SCGB2B2: variants seen among roughly 807,000 people sequenced by gnomAD.
The protein encoded by SCGB2B2 is secretoglobin family 2B member 2.
Under a neutral mutation model 7.6 loss-of-function variants are expected in SCGB2B2, and 11 were observed. The observed-to-expected ratio is 1.45, with a 90% CI of 0.91 to 2.40. The LOEUF (loss-of-function observed/expected upper bound fraction) is 2.40. Ranked by LOEUF, SCGB2B2 falls within the 30% of genes most tolerant of loss-of-function variation. The probability of loss-of-function intolerance (pLI) is 0.00; values close to 1 mark genes in which losing one functional copy is unlikely to be tolerated. For missense variants in SCGB2B2, 104 were observed against 115.4 expected, an observed-to-expected ratio of 0.90 and a Z score of 0.45; for synonymous variants, 50 against 48.6, an observed-to-expected ratio of 1.03 and a Z score of -0.12.
At chr19:34,669,746 A>T (rs2067750840) in intron 1 of SCGB2B2, among the ~76,000 whole-genome samples, 2 of 26,994 alleles carry the variant, frequency 7.4e-5, no homozygotes, top group South Asian at 2.7e-3. Context: ...GGTGTGTCTC[A>T]TTTCCACCTG....
At chr19:34,649,303 A>T (rs904577289) in intron 1 of SCGB2B2, among the ~76,000 whole-genome samples, 4 of 151,988 alleles carry the variant, frequency 2.6e-5, no homozygotes, top group Admixed American at 2.6e-4. Context: ...AGGGAAGGAA[A>T]AAAGAGAGAA....
chr19:34,642,947 G>A (rs1034939296), intron 1 of SCGB2B2, among the ~76,000 whole-genome samples: 2 of 152,110 alleles, frequency 1.3e-5, no homozygotes, highest in African/African-American at 4.8e-5. Context: ...TGAACTCTTA[G>A]ATACTATTGG....
At chr19:34,587,001 A>G (rs1477684951), downstream of SCGB2B2, among the ~76,000 whole-genome samples, 1 of 152,090 alleles carries the variant, frequency 6.6e-6, no homozygotes. Flanking sequence ...TCTGCCTCCC[A>G]GGTTCAAGCG....
chr19:34,609,992 C>G (rs1451902026), intron 1 of SCGB2B2, among the ~76,000 whole-genome samples: 1 of 152,114 alleles, frequency 6.6e-6, no homozygotes, highest in Non-Finnish European at 1.5e-5. Flanking sequence ...TCTTCACTTT[C>G]TGTCATCAAT....
chr19:34,604,813 T>C (rs1456253084), intron 1 of SCGB2B2, among the ~76,000 whole-genome samples: 1 of 152,208 alleles, frequency 6.6e-6, no homozygotes, highest in African/African-American at 2.4e-5. Flanking sequence ...ATTAAGTTGT[T>C]CCTAATTGTA....
intron 1 of SCGB2B2, among the ~76,000 whole-genome samples, chr19:34,669,100 G>A (rs910471003): frequency 8.5e-5 from 13 of 152,196 alleles, no homozygotes; most frequent in African/African-American, 2.6e-4. Context: ...TGAAGCCAGC[G>A]AGACCACGAA....
chr19:34,641,510 T>A (rs936890925), intron 1 of SCGB2B2, among the ~76,000 whole-genome samples: 7 of 152,362 alleles, frequency 4.6e-5, no homozygotes, highest in African/African-American at 1.7e-4. Context: ...GGCCTGAGGC[T>A]GTCTCCATAT....
rs2065302325 is a variant in SCGB2B2, at chr19:34,591,728, CCT to C, written c.*1825_*1826del. Among the ~76,000 whole-genome samples the C allele has an allele frequency of 6.6e-6, 1 of 152,248 alleles. No individual in the cohort carries two copies. Among genetic ancestry groups the C allele is most frequent in the Non-Finnish European group, 1.5e-5 (1 of 68,048 alleles). ...ATCATGCCGCATTCCCTGCCCCAGA[CCT>C]TCACCTGGTGGCTGCCTCAGGTTCT... On this transcript the variant is annotated 3_prime_UTR_variant, in exon 4 of 4. Coordinates refer to ENST00000601241, the MANE Select transcript of SCGB2B2 (RefSeq NM_001025591.4).
intron 1 of SCGB2B2, chr19:34,645,682 C>A: frequency 4.8e-6 from 2 of 420,754 alleles, no homozygotes; most frequent in South Asian, 2.0e-5. Flanking sequence ...CACCCACCGC[C>A]TGTGCTCTTC....
intron 1 of SCGB2B2, chr19:34,646,018 G>C: frequency 3.2e-6 from 1 of 314,412 alleles, no homozygotes; most frequent in Non-Finnish European, 6.3e-6. Context: ...TTCTAGCAAT[G>C]CTTTGCCTCT....
chr19:34,663,373 G>A (rs1243408009), intron 1 of SCGB2B2, among the ~76,000 whole-genome samples: 1 of 152,192 alleles, frequency 6.6e-6, no homozygotes, highest in Admixed American at 6.5e-5. Flanking sequence ...GTACACAATG[G>A]CAGATTTTTT....
At chr19:34,589,731 A>G (rs892846891), downstream of SCGB2B2, among the ~76,000 whole-genome samples, 3 of 152,006 alleles carry the variant, frequency 2.0e-5, no homozygotes, top group Non-Finnish European at 4.4e-5. Flanking sequence ...ATCCCAGGGC[A>G]GTGTGGATGA....
chr19:34,613,151 T>G (rs1270266), intron 1 of SCGB2B2, among the ~76,000 whole-genome samples: 74,838 of 150,812 alleles, frequency 0.5, 19,391 homozygotes, highest in African/African-American at 0.63. Flanking sequence ...CAGGGTGGAG[T>G]GCAGCGGTGC....
At chr19:34,635,522 C>T (rs1405128153) in intron 1 of SCGB2B2, 3 of 289,146 alleles carry the variant, frequency 1.0e-5, no homozygotes, top group African/African-American at 2.2e-5. Context: ...ACCCGTAAGG[C>T]TTTAAACCCA....
At chr19:34,636,537 A>G (rs1293470450) in intron 1 of SCGB2B2, among the ~76,000 whole-genome samples, 3 of 152,178 alleles carry the variant, frequency 2.0e-5, no homozygotes, top group African/African-American at 4.8e-5. Context: ...TTCAAGAACT[A>G]CTTAGGCTAT....
intron 1 of SCGB2B2, among the ~76,000 whole-genome samples, chr19:34,634,018 ATG>A (rs1384631494): frequency 3.3e-5 from 5 of 152,172 alleles, no homozygotes; most frequent in African/African-American, 1.2e-4. Context: ...TTGTGTAGCA[ATG>A]GCCTAGAGGT....
rs2066926657 is a variant in SCGB2B2 at position 34,644,319 on chromosome 19, C to T, written c.-2032+31311G>A. Among the ~76,000 whole-genome samples, 7 of 151,638 alleles carry T rather than the reference C, an allele frequency of 4.6e-5. No homozygotes were observed. In the South Asian group the frequency reaches 1.5e-3, roughly 32 times the overall value. On this transcript the variant is annotated intron_variant, in intron 1 of 3. Coordinates refer to ENST00000601241, the MANE Select transcript of SCGB2B2 (RefSeq NM_001025591.4). ...AAAGCACTGGGATTACTGGTGAGTG[C>T]CACCTTGCCCAGCCCCAGCCTTGTT... is the stretch of plus-strand genomic sequence containing the variant.
intron 1 of SCGB2B2, among the ~76,000 whole-genome samples, chr19:34,661,864 T>C (rs187736229): frequency 1.6e-4 from 24 of 152,216 alleles, no homozygotes; most frequent in Admixed American, 7.9e-4. Context: ...TTGTTAGTGT[T>C]AGTGTATTTT....
In SCGB2B2 at chr19:34,657,427, C is replaced by CA. The variant is rs934129786; in HGVS notation, c.-2032+18202dup. On this transcript the variant is annotated intron_variant, in intron 1 of 3. Coordinates refer to ENST00000601241, the MANE Select transcript of SCGB2B2 (RefSeq NM_001025591.4). The stretch of plus-strand genomic sequence containing the variant: ...GAAGATCTACCAAGCAAATGGAAAG[C>CA]AAAAAAAAGCAGGGGTTGCAATCCT... 7.3e-5 allele frequency among the ~76,000 whole-genome samples: 11 copies of CA among 149,904 alleles called. 1 individual carries two copies. The highest frequency in any genetic ancestry group is 3.9e-4 in the East Asian group (2 of 5,168).
Sources: gnomAD v4.1 joint callset for allele counts (sites outside exome capture counted in the v4.1 genomes callset) on GRCh38, gnomAD v4.1.1 for gene constraint, MANE v1.5 for transcripts, NCBI Gene and HGNC (gene_info 2026-07-23, HGNC 2026-07-21) for gene names.